Variants in TSPOAP1 observed in about 807,000 individuals in gnomAD.
TSPOAP1 encodes the protein TSPO associated protein 1.
Under a neutral mutation model 197.0 loss-of-function variants are expected in TSPOAP1, and 87 were observed. That is an observed-to-expected ratio of 0.44 (90% CI 0.37 to 0.53). TSPOAP1 has a LOEUF of 0.53. Among genes scored for constraint, TSPOAP1 ranks in the 20% least tolerant of loss-of-function variants. The pLI is 0.00. For synonymous variants in TSPOAP1, 913 were observed against 998.9 expected (o/e 0.91, Z 1.62); for missense variants, 2,174 against 2,411.3 (o/e 0.90, Z 2.06).
intron 7 of TSPOAP1, 43 bp downstream of exon 7, chr17:58,323,255 G>T (rs763379774): frequency 6.2e-7 from 1 of 1,610,220 alleles, no homozygotes. Context: ...GCTGGCCGGG[G>T]TGAAGGGAGG....
chr17:58,310,304 G>A, intron 20 of TSPOAP1, 146 bp from the exon 21 acceptor site: 1 of 1,115,816 alleles, frequency 9.0e-7, no homozygotes, highest in South Asian at 1.6e-5. Context: ...GCACACCATG[G>A]CTCAGGGGCA....
At position 58,316,438 on chromosome 17, in the gene TSPOAP1, G is replaced by C; in HGVS notation, c.1975C>G (p.Leu659Val). 2 of 1,613,214 alleles carry C rather than the reference G, an allele frequency of 1.2e-6. No individual in the cohort carries two copies. Among genetic ancestry groups the C allele is most frequent in the Non-Finnish European group, 1.7e-6 (2 of 1,179,510 alleles). Residue 659 changes from leucine to valine, a missense_variant, in exon 15 of 32, where the codon CTA (leucine) becomes GTA (valine). By Grantham distance (32) the Leu-to-Val change is conservative (BLOSUM62 1). Coordinates refer to ENST00000343736, the MANE Select transcript of TSPOAP1 (RefSeq NM_004758.4). ...SRGGARIQVF[L>V]ARYSYNPFEG... ...TGAGGGACCCACCTATAACGTGCTA[G>C]GAAGACCTGGATCCTGGCTCCTCCC...
chr17:58,305,218 G>C, intron 29 of TSPOAP1, 47 bp from the exon 30 acceptor site: 1 of 1,530,776 alleles, frequency 6.5e-7, no homozygotes, highest in Non-Finnish European at 9.1e-7. Context: ...AGAGGCTCTG[G>C]CCCTGCCCCT....
Position 58,328,244 on chromosome 17 carries a change from CGT to C in TSPOAP1, c.-326_-325del, listed in dbSNP as rs778848321. 4 of 403,128 alleles carry C rather than the reference CGT, an allele frequency of 9.9e-6. No homozygotes were observed. Among genetic ancestry groups the C allele is most frequent in the African/African-American group, 2.0e-5 (1 of 50,026 alleles). 25.0% of individuals were successfully genotyped at this position (403,128 alleles called of 1,614,324 possible). A position where few individuals can be genotyped will look rare whatever the true frequency, so the allele number is the denominator to read the frequency against. Reference sequence around the variant, plus strand: ...CGACAGCTGCGCCTGGGTGAGGGTGCGTGTGTGTGTCTCCAGGTCTGTCCGTG... The same window carrying C: ...CGACAGCTGCGCCTGGGTGAGGGTGCGTGTGTGTCTCCAGGTCTGTCCGTG... On this transcript the variant is annotated 5_prime_UTR_variant, in exon 1 of 32. Transcript: ENST00000343736. The surrounding 1 kb of genome is among the most constrained non-coding windows in gnomAD (Gnocchi z 4.3).
Position 58,327,723 on chromosome 17 carries a change from G to C in TSPOAP1, c.198C>G (p.Asp66Glu). ...RSEESSKPKG[D>E]GSSRPVGGTD... The stretch of plus-strand genomic sequence containing the variant: ...TTCCCCCCACGGGCCTGGAGCTCCC[G>C]TCTCCTTTGGGCTTGGAACTCTCCT... The change falls in exon 1 of 32, where the codon GAC becomes GAG. Residue 66 changes from aspartate to glutamate, a missense_variant. This residue lies in a region of TSPOAP1 where 1,933 missense variants were observed against 2,139.0 expected (regional missense o/e 0.90). Transcript: ENST00000343736. 6.2e-7 allele frequency: 1 copy of C among 1,614,144 alleles called. No individual in the cohort carries two copies. The highest frequency in any genetic ancestry group is 8.5e-7 in the Non-Finnish European group (1 of 1,180,030).
intron 17 of TSPOAP1, 84 bp from the exon 18 acceptor site, chr17:58,311,806 C>G: frequency 1.3e-6 from 2 of 1,490,552 alleles, no homozygotes; most frequent in Non-Finnish European, 1.8e-6. Context: ...TCCCTGATAA[C>G]GCAAATAAGA....
rs998475166 is a variant in TSPOAP1 at position 58,324,374 on chromosome 17, G to C, written c.942+437C>G. ...GGTTGCCTGTACCTGGAGCCGGGGC[G>C]GACGCACCGCCGCCCCCGGGTAGCT... On this transcript the variant is annotated intron_variant, in intron 5 of 31. Coordinates refer to ENST00000343736, the MANE Select transcript of TSPOAP1 (RefSeq NM_004758.4). The surrounding 1 kb of genome is among the most constrained non-coding windows in gnomAD (Gnocchi z 5.8). Among the ~76,000 whole-genome samples, 4 of 152,070 alleles carry C rather than the reference G, an allele frequency of 2.6e-5. No homozygotes were observed. The highest frequency in any genetic ancestry group is 4.4e-5 in the Non-Finnish European group (3 of 67,966).
chr17:58,309,399 T>C lies in TSPOAP1; in HGVS notation c.3892-19A>G, dbSNP rs201393548. ...GCTGGGACTGGTGGAGGTGGGGAGG[T>C]GGGAGTAGAACACAGCAGGGAAGAG... On this transcript the variant is annotated intron_variant, in intron 21 of 31. Transcript: ENST00000343736. This position sits in a 1 kb window ranked among gnomAD's most constrained non-coding sequence, Gnocchi z 5.0. 214 of 1,589,472 alleles carry C rather than the reference T, an allele frequency of 1.3e-4. 2 individuals carry two copies. In the East Asian group the frequency reaches 4.8e-3, roughly 35 times the overall value.
chr17:58,325,191 G>A (rs1251589902), intron 4 of TSPOAP1, among the ~76,000 whole-genome samples, 189 bp from the exon 5 acceptor site: 1 of 152,190 alleles, frequency 6.6e-6, no homozygotes, highest in African/African-American at 2.4e-5. Context: ...GAGCCCCTAT[G>A]CGGTCATTCT....
Position 58,304,418 on chromosome 17 carries a change from G to A in TSPOAP1, c.5545-19C>T, listed in dbSNP as rs1457992521. On this transcript the variant is annotated intron_variant, in intron 30 of 31. Transcript: ENST00000343736. The surrounding 1 kb of genome is among the most constrained non-coding windows in gnomAD (Gnocchi z 4.2). ...TCGTTCTCTGAGGACAGGGAACAAAGAGAGGAGATGGGTTACCGACAGACC... is the reference window on the plus strand; with the variant it reads ...TCGTTCTCTGAGGACAGGGAACAAAAAGAGGAGATGGGTTACCGACAGACC... 1 of 1,610,264 alleles carries A rather than the reference G, an allele frequency of 6.2e-7. No individual in the cohort carries two copies. Among genetic ancestry groups the A allele is most frequent in the Admixed American group, 1.7e-5 (1 of 60,016 alleles).
At position 58,304,978 on chromosome 17, in the gene TSPOAP1, C is replaced by G; in HGVS notation, c.5544+83G>C. Reference sequence around the variant, plus strand: ...CTGCATGACCACCCCAGCTGCACCCCTGCCGCAACACTGCCCTGGCCCTAC... The same window carrying G: ...CTGCATGACCACCCCAGCTGCACCCGTGCCGCAACACTGCCCTGGCCCTAC... On this transcript the variant is annotated intron_variant, in intron 30 of 31. Coordinates refer to ENST00000343736, the MANE Select transcript of TSPOAP1 (RefSeq NM_004758.4). The surrounding 1 kb of genome is among the most constrained non-coding windows in gnomAD (Gnocchi z 4.2). The G allele has an allele frequency of 9.4e-7, 1 of 1,064,240 alleles. No homozygotes were observed. Among genetic ancestry groups the G allele is most frequent in the Non-Finnish European group, 1.5e-6 (1 of 679,852 alleles). 65.9% of individuals were successfully genotyped at this position (1,064,240 alleles called of 1,614,324 possible).
chr17:58,320,164 A>G (rs1236737742), intron 11 of TSPOAP1, 35 bp from the exon 12 acceptor site: 2 of 1,613,992 alleles, frequency 1.2e-6, no homozygotes, highest in South Asian at 2.2e-5. Context: ...ACAGGTTAGA[A>G]CCCTGAGCGC....
At chr17:58,327,547 A>G (rs1435271182) in intron 1 of TSPOAP1, 41 bp downstream of exon 1, 1 of 1,572,080 alleles carries the variant, frequency 6.4e-7, no homozygotes, top group African/African-American at 1.4e-5. Context: ...ATGGTGAGAG[A>G]CCCCCACCTT....
chr17:58,328,521 C>G lies in TSPOAP1; in HGVS notation c.-601G>C, dbSNP rs1971726312. The G allele has an allele frequency of 6.5e-6, 1 of 153,816 alleles. No individual in the cohort carries two copies. The highest frequency in any genetic ancestry group is 1.4e-5 in the Non-Finnish European group (1 of 69,054). 9.5% of individuals were successfully genotyped at this position (153,816 alleles called of 1,614,324 possible). A position where few individuals can be genotyped will look rare whatever the true frequency, so the allele number is the denominator to read the frequency against. On this transcript the variant is annotated 5_prime_UTR_variant, in exon 1 of 32. Transcript: ENST00000343736. The surrounding 1 kb of genome is among the most constrained non-coding windows in gnomAD (Gnocchi z 4.3). Reference sequence around the variant, plus strand: ...GTCTGTCAGTGTCTGTGGGTCTGGCCGTCTGTCGCAACCCCTCAGCCCGGC... The same window carrying G: ...GTCTGTCAGTGTCTGTGGGTCTGGCGGTCTGTCGCAACCCCTCAGCCCGGC...
rs768320600 is a variant in TSPOAP1 at position 58,305,832 on chromosome 17, C to T, written c.5257+1G>A. The T allele has an allele frequency of 3.1e-6, 5 of 1,613,020 alleles. No individual in the cohort carries two copies. The Admixed American group carries it at 6.7e-5, about 22-fold the overall frequency. On this transcript the variant is annotated splice_donor_variant, in intron 27 of 31. Transcript: ENST00000343736. LOFTEE classifies it high-confidence loss of function. ...TCCCGGGCCCAGGGATATTCCTTCACCTGGACAGGGCTGGGCAGGGCCTTC... is the reference window on the plus strand; with the variant it reads ...TCCCGGGCCCAGGGATATTCCTTCATCTGGACAGGGCTGGGCAGGGCCTTC...
At chr17:58,314,491 A>G (rs969399503) in intron 16 of TSPOAP1, among the ~76,000 whole-genome samples, 13 of 152,196 alleles carry the variant, frequency 8.5e-5, no homozygotes, top group African/African-American at 2.2e-4. Flanking sequence ...GGAGGAGGCA[A>G]TGGTGACCAC....
At chr17:58,315,932 AATGGATGGATGG>A in intron 16 of TSPOAP1, 79 bp downstream of exon 16, 2 of 608,930 alleles carry the variant, frequency 3.3e-6, no homozygotes, top group South Asian at 1.8e-5. Flanking sequence ...TGGATGGATG[AATGGATGGATGG>A]ATGGATGGAT....
intron 18 of TSPOAP1, 38 bp downstream of exon 18, chr17:58,311,533 C>A: frequency 6.6e-7 from 1 of 1,523,660 alleles, no homozygotes; most frequent in South Asian, 1.3e-5. Context: ...AAGAAGGGAC[C>A]CACCCCCACT....
chr17:58,301,846 A>T lies in TSPOAP1; in HGVS notation c.*634T>A. 1 of 160,110 alleles carries T rather than the reference A, an allele frequency of 6.2e-6. No individual in the cohort carries two copies. Among genetic ancestry groups the T allele is most frequent in the Admixed American group, 6.0e-5 (1 of 16,742 alleles). The allele number at this position is 160,110 out of a possible 1,614,324, so 9.9% of individuals were successfully genotyped here. The stretch of plus-strand genomic sequence containing the variant: ...TTTCCTTCAGGGGAGGGAAGACAGG[A>T]TCAGGACAGCCAGAGCCATCAGGGG... On this transcript the variant is annotated 3_prime_UTR_variant, in exon 32 of 32. Coordinates refer to ENST00000343736, the MANE Select transcript of TSPOAP1 (RefSeq NM_004758.4).
Sources: gnomAD v4.1 joint callset for allele counts (sites outside exome capture counted in the v4.1 genomes callset) on GRCh38, gnomAD v4.1.1 for gene constraint, gnomAD v4.1.1 regional missense constraint, Gnocchi (gnomAD v3.1) non-coding constraint, MANE v1.5 for transcripts, NCBI Gene and HGNC (gene_info 2026-07-23, HGNC 2026-07-21) for gene names.